RBFOX1: variants seen among roughly 807,000 people sequenced by gnomAD.
The protein encoded by RBFOX1 is RNA binding protein fox-1 homolog 1.
RBFOX1 carries 8 observed loss-of-function variants against 57.7 expected under a neutral mutation model. The observed-to-expected ratio is 0.14, with a 90% CI of 0.08 to 0.25. RBFOX1 has a LOEUF of 0.25. Ranked by LOEUF, RBFOX1 falls within the 10% of genes least tolerant of loss-of-function variation. The pLI is 1.00. For missense variants in RBFOX1, 611 were observed against 548.5 expected (o/e 1.11, Z -1.14); for synonymous variants, 326 against 222.4 (o/e 1.47, Z -4.15).
At chr16:6,923,436 G>C (rs1189254052) in intron 3 of RBFOX1, among the ~76,000 whole-genome samples, 1 of 152,174 alleles carries the variant, frequency 6.6e-6, no homozygotes, top group East Asian at 1.9e-4. Flanking sequence ...GGAAGGCTGA[G>C]GAAGGAGAGT....
At chr16:7,484,553 C>G (rs1170109997) in intron 4 of RBFOX1, among the ~76,000 whole-genome samples, 5 of 152,224 alleles carry the variant, frequency 3.3e-5, no homozygotes, top group Non-Finnish European at 5.9e-5. Context: ...ACTTTTGCCT[C>G]CTGAGTTCAA....
At chr16:6,589,335 A>T (rs1396650804) in intron 2 of RBFOX1, among the ~76,000 whole-genome samples, 1 of 152,226 alleles carries the variant, frequency 6.6e-6, no homozygotes, top group Non-Finnish European at 1.5e-5. Flanking sequence ...ATGGGAGACC[A>T]GCGTGTTGTT....
intron 3 of RBFOX1, among the ~76,000 whole-genome samples, chr16:6,737,413 C>T (rs2070695622): frequency 6.6e-6 from 1 of 152,082 alleles, no homozygotes; most frequent in Non-Finnish European, 1.5e-5. Context: ...TGTAAGTGTG[C>T]ATCACAGTAT....
intron 4 of RBFOX1, among the ~76,000 whole-genome samples, chr16:7,251,020 C>A (rs2094481173): frequency 6.6e-6 from 1 of 151,884 alleles, no homozygotes; most frequent in Non-Finnish European, 1.5e-5. Context: ...AGTGAAAACA[C>A]TTAAAATCTA....
intron 2 of RBFOX1, among the ~76,000 whole-genome samples, chr16:6,369,805 T>C (rs1243851237): frequency 1.3e-5 from 2 of 152,184 alleles, no homozygotes; most frequent in Non-Finnish European, 2.9e-5. Flanking sequence ...TTCAGTGTGT[T>C]CCTAAAAACA....
intron 3 of RBFOX1, among the ~76,000 whole-genome samples, chr16:6,722,644 A>G (rs964926600): frequency 3.9e-5 from 6 of 152,172 alleles, no homozygotes; most frequent in Non-Finnish European, 7.4e-5. Context: ...AAAATATCCA[A>G]CTGGAAACCA....
intron 2 of RBFOX1, among the ~76,000 whole-genome samples, chr16:6,469,403 A>G (rs1470187664): frequency 1.3e-5 from 2 of 152,194 alleles, no homozygotes; most frequent in African/African-American, 4.8e-5. Flanking sequence ...AGACCCACAT[A>G]GACAAGTTTT....
chr16:6,770,281 C>G (rs1165633193), intron 3 of RBFOX1, among the ~76,000 whole-genome samples: 3 of 152,150 alleles, frequency 2.0e-5, no homozygotes, highest in African/African-American at 7.2e-5. Context: ...TTTACTTAAA[C>G]TTGACCAAAT....
intron 2 of RBFOX1, among the ~76,000 whole-genome samples, chr16:6,459,874 C>T (rs542891698): frequency 6.6e-6 from 1 of 151,222 alleles, no homozygotes; most frequent in South Asian, 2.1e-4. Context: ...ATCCCAGCTA[C>T]TTGGGAGGCT....
chr16:6,696,326 C>A (rs1253288652), intron 3 of RBFOX1, among the ~76,000 whole-genome samples: 2 of 150,496 alleles, frequency 1.3e-5, no homozygotes, highest in South Asian at 4.2e-4. Flanking sequence ...TAGAAGTTTT[C>A]TTTGGAAAAA....
intron 3 of RBFOX1, among the ~76,000 whole-genome samples, chr16:5,788,096 T>C (rs2054566917): frequency 1.3e-5 from 2 of 152,208 alleles, no homozygotes; most frequent in African/African-American, 4.8e-5. Flanking sequence ...TGAGCCCTTC[T>C]TCCTAGGCGG....
chr16:6,338,698 G>A (rs1161980491), intron 2 of RBFOX1, among the ~76,000 whole-genome samples: 2 of 152,068 alleles, frequency 1.3e-5, no homozygotes, highest in Admixed American at 6.6e-5. Context: ...ACATACAATG[G>A]CACTCAAGAG....
intron 4 of RBFOX1, among the ~76,000 whole-genome samples, chr16:7,163,183 G>C (rs1284915899): frequency 5.9e-5 from 9 of 152,110 alleles, no homozygotes; most frequent in African/African-American, 1.9e-4. Flanking sequence ...ACTGAGATTT[G>C]AAAAGGTTTT....
chr16:6,923,119 C>T (rs573981286), intron 3 of RBFOX1, among the ~76,000 whole-genome samples: 12 of 152,278 alleles, frequency 7.9e-5, no homozygotes, highest in Admixed American at 7.8e-4. Context: ...TTGTAGAATT[C>T]CAAAGGAGAT....
intron 1 of RBFOX1, among the ~76,000 whole-genome samples, chr16:6,067,914 G>T (rs1329490599): frequency 6.6e-6 from 1 of 152,176 alleles, no homozygotes; most frequent in East Asian, 1.9e-4. Context: ...GTAAATTTAT[G>T]ATCATAAATG....
chr16:6,937,120 A>G (rs1450345709), intron 3 of RBFOX1, among the ~76,000 whole-genome samples: 1 of 152,202 alleles, frequency 6.6e-6, no homozygotes, highest in Non-Finnish European at 1.5e-5. Flanking sequence ...AAAAAGATCC[A>G]TCAGCCAGTA....
chr16:5,917,325 C>T (rs549486960), intron 4 of RBFOX1, among the ~76,000 whole-genome samples: 1 of 152,196 alleles, frequency 6.6e-6, no homozygotes, highest in East Asian at 1.9e-4. Flanking sequence ...CCATTAAGCG[C>T]CCACCACCGG....
chr16:5,369,531 T>C (rs1041383784), intron 1 of RBFOX1, among the ~76,000 whole-genome samples: 7 of 152,238 alleles, frequency 4.6e-5, no homozygotes, highest in Admixed American at 4.6e-4. Context: ...TGGTACATGC[T>C]GCTATCCTCC....
intron 3 of RBFOX1, among the ~76,000 whole-genome samples, chr16:6,825,812 A>T (rs2092049175): frequency 6.6e-6 from 1 of 152,168 alleles, no homozygotes; most frequent in Non-Finnish European, 1.5e-5. Flanking sequence ...AGAGGCAGCG[A>T]TCCTGCACAG....
Sources: gnomAD v4.1 joint callset for allele counts (sites outside exome capture counted in the v4.1 genomes callset) on GRCh38, gnomAD v4.1.1 for gene constraint, MANE v1.5 for transcripts, NCBI Gene and HGNC (gene_info 2026-07-23, HGNC 2026-07-21) for gene names.